RIPOR2: variants seen among roughly 807,000 people sequenced by gnomAD.
RIPOR2 encodes the protein rho family-interacting cell polarization regulator 2.
Under a neutral mutation model 114.5 loss-of-function variants are expected in RIPOR2, and 39 were observed. The observed-to-expected ratio is 0.34, with a 90% confidence interval of 0.26 to 0.44. The LOEUF (loss-of-function observed/expected upper bound fraction) is 0.44, where lower values mean the gene tolerates loss of function less well. Ranked by LOEUF, RIPOR2 falls within the 20% of genes least tolerant of loss-of-function variation. The pLI is 1.00. For missense variants in RIPOR2, 1,007 were observed against 1,255.1 expected (o/e 0.80, Z 2.99); for synonymous variants, 445 against 484.4 (o/e 0.92, Z 1.07).
At position 25,005,738 on chromosome 6, in the gene RIPOR2, T is replaced by TATATACATAC. The variant is rs34572978; in HGVS notation, c.76+36112_76+36113insGTATGTATAT. 1.4e-3 allele frequency among the ~76,000 whole-genome samples: 102 copies of TATATACATAC among 70,692 alleles called. 5 individuals carry two copies. Among genetic ancestry groups the TATATACATAC allele is most frequent in the Non-Finnish European group, 2.5e-3 (76 of 30,020 alleles). The allele number at this position is 70,692 out of a possible 152,430, so 46.4% of individuals were successfully genotyped here. ...ATATATATATATATATATATATATA[T>TATATACATAC]ATACATTTACCGATCAAAAGATATG... On this transcript the variant is annotated intron_variant, in intron 1 of 13. Coordinates refer to the RIPOR2 transcript ENST00000510784.
intron 1 of RIPOR2, among the ~76,000 whole-genome samples, chr6:24,961,819 G>C (rs1773322832): frequency 6.6e-6 from 1 of 151,934 alleles, no homozygotes; most frequent in South Asian, 2.1e-4. Flanking sequence ...TAGAGATGGG[G>C]TTTTCCCATG....
At chr6:24,927,201 AAGC>A (rs1197497411) in intron 1 of RIPOR2, among the ~76,000 whole-genome samples, 3 of 37,782 alleles carry the variant, frequency 7.9e-5, no homozygotes, top group Admixed American at 5.5e-4. Flanking sequence ...CCACAACTAC[AAGC>A]ACCACCACCA....
At chr6:24,988,291 T>C (rs1271217977) in intron 1 of RIPOR2, among the ~76,000 whole-genome samples, 1 of 152,186 alleles carries the variant, frequency 6.6e-6, no homozygotes, top group Non-Finnish European at 1.5e-5. Context: ...ATTCAAGTGA[T>C]TCTCTTGCCT....
intron 12 of RIPOR2, among the ~76,000 whole-genome samples, chr6:24,844,155 G>C (rs1762024702): frequency 6.6e-6 from 1 of 152,136 alleles, no homozygotes; most frequent in Non-Finnish European, 1.5e-5. Flanking sequence ...AGAAATAAAA[G>C]GAAAAGACTA....
chr6:24,875,894 T>C (rs1765692114), intron 1 of RIPOR2, 77 bp from the exon 2 acceptor site: 1 of 1,328,302 alleles, frequency 7.5e-7, no homozygotes, highest in South Asian at 1.3e-5. Context: ...TCAACAATGA[T>C]AAAGGATGTA....
At chr6:24,902,750 G>A (rs1768606180) in intron 1 of RIPOR2, among the ~76,000 whole-genome samples, 1 of 152,180 alleles carries the variant, frequency 6.6e-6, no homozygotes, top group African/African-American at 2.4e-5. Flanking sequence ...ACCAAAATGT[G>A]CAACAGTTTG....
intron 1 of RIPOR2, among the ~76,000 whole-genome samples, chr6:24,953,897 A>G (rs907019823): frequency 1.1e-3 from 59 of 52,122 alleles, no homozygotes; most frequent in Middle Eastern, 0.017. Context: ...CTCCCCTGTC[A>G]TGTAAAACTT....
intron 1 of RIPOR2, among the ~76,000 whole-genome samples, chr6:25,021,490 G>T (rs1396501176): frequency 1.3e-5 from 2 of 152,216 alleles, no homozygotes; most frequent in African/African-American, 4.8e-5. Flanking sequence ...CATTCACAGT[G>T]ACCTGGGTGA....
chr6:24,838,485 C>G (rs1469441524), intron 14 of RIPOR2, among the ~76,000 whole-genome samples: 4 of 152,118 alleles, frequency 2.6e-5, no homozygotes, highest in Non-Finnish European at 4.4e-5. Flanking sequence ...GTTGTAGACA[C>G]TGAACCCTAT....
intron 1 of RIPOR2, chr6:25,015,524 G>C (rs1775932438): frequency 6.6e-6 from 1 of 152,184 alleles, no homozygotes. Flanking sequence ...TGTCTCCTTG[G>C]ATTGTGTCAT....
intron 8 of RIPOR2, among the ~76,000 whole-genome samples, chr6:24,859,390 A>C (rs1490972605): frequency 6.6e-6 from 1 of 152,144 alleles, no homozygotes; most frequent in Non-Finnish European, 1.5e-5. Flanking sequence ...ACACTGATTC[A>C]GGGCAGTTAT....
At chr6:25,005,266 C>CG (rs1274105990) in intron 1 of RIPOR2, among the ~76,000 whole-genome samples, 1 of 152,086 alleles carries the variant, frequency 6.6e-6, no homozygotes, top group Non-Finnish European at 1.5e-5. Context: ...TGACTCTGAC[C>CG]GGGTTGTCCG....
At chr6:24,985,046 C>G (rs951242710) in intron 1 of RIPOR2, among the ~76,000 whole-genome samples, 3 of 152,206 alleles carry the variant, frequency 2.0e-5, no homozygotes, top group Non-Finnish European at 4.4e-5. Context: ...CTTGGGTCCC[C>G]TCCTCAGGAA....
Position 24,806,232 on chromosome 6 carries a change from C to T in RIPOR2, c.*141G>A. The T allele has an allele frequency of 1.5e-6, 1 of 681,890 alleles. No individual in the cohort carries two copies. Among genetic ancestry groups the T allele is most frequent in the Non-Finnish European group, 2.6e-6 (1 of 390,908 alleles). The allele number at this position is 681,890 out of a possible 1,614,324, so 42.2% of individuals were successfully genotyped here. On this transcript the variant is annotated 3_prime_UTR_variant, in exon 22 of 22. Transcript: ENST00000643898. ...CCTCCCAAAGTACTGGGATTACAGG[C>T]ATGAGCCACTGCACCTGGCCTACAT...
intron 1 of RIPOR2, among the ~76,000 whole-genome samples, chr6:24,992,285 C>T (rs1330023474): frequency 1.3e-5 from 2 of 152,084 alleles, no homozygotes; most frequent in African/African-American, 2.4e-5. Flanking sequence ...TGTCTTATCA[C>T]GCAGAAGACA....
intron 1 of RIPOR2, chr6:24,877,304 C>T: frequency 1.0e-6 from 1 of 985,102 alleles, no homozygotes; most frequent in Non-Finnish European, 1.2e-6. Context: ...TTTAAATCCC[C>T]TCCCTCCCTC....
intron 1 of RIPOR2, among the ~76,000 whole-genome samples, chr6:24,999,626 G>C (rs1297626572): frequency 6.6e-6 from 1 of 151,052 alleles, no homozygotes; most frequent in Non-Finnish European, 1.5e-5. Context: ...CATGATCTCG[G>C]CTCACTGCAA....
rs75993082 is a variant in RIPOR2 at position 24,818,531 on chromosome 6, C to A, written c.2952+11G>T. On this transcript the variant is annotated intron_variant, in intron 20 of 21. Coordinates refer to ENST00000643898, the MANE Select transcript of RIPOR2 (RefSeq NM_001286445.3). ...CTGAGCTGCCAGGGGAGCTCCAAGG[C>A]TGGGCTTTACCTCAAGGATTTTCAG... 2,661 of 1,540,894 alleles carry A rather than the reference C, an allele frequency of 1.7e-3. 81 individuals carry two copies. The East Asian group carries it at 0.059, about 34-fold the overall frequency.
At chr6:25,021,439 G>A (rs1581965199) in intron 1 of RIPOR2, among the ~76,000 whole-genome samples, 2 of 152,184 alleles carry the variant, frequency 1.3e-5, no homozygotes, top group South Asian at 4.1e-4. Context: ...ATACATTCAC[G>A]ATGGAATACT....
Sources: gnomAD v4.1 joint callset for allele counts (sites outside exome capture counted in the v4.1 genomes callset) on GRCh38, gnomAD v4.1.1 for gene constraint, MANE v1.5 for transcripts, NCBI Gene and HGNC (gene_info 2026-07-23, HGNC 2026-07-21) for gene names.